The following LINGO2 variants were observed in gnomAD, a reference collection of about 807,000 sequenced individuals.
LINGO2 encodes the protein leucine-rich repeat and immunoglobulin-like domain-containing nogo receptor-interacting protein 2.
LINGO2 carries 14 observed loss-of-function variants against 30.6 expected under a neutral mutation model. The observed-to-expected ratio is 0.46, with a 90% CI of 0.30 to 0.72. LINGO2 has a LOEUF of 0.72. LINGO2 is among the 30% of genes least tolerant of loss of function. The pLI is 0.07. For missense variants in LINGO2, 729 were observed against 751.7 expected (o/e 0.97, Z 0.35); for synonymous variants, 317 against 288.5 (o/e 1.10, Z -1.00).
At chr9:28,900,785 C>A in the LINGO2 span, among the ~76,000 whole-genome samples, 3 of 152,106 alleles carry the variant, frequency 2.0e-5, no homozygotes, top group African/African-American at 7.2e-5. Flanking sequence ...ATCAGAGAAA[C>A]ATGACATACC....
the LINGO2 span, among the ~76,000 whole-genome samples, chr9:29,082,791 T>G: frequency 6.6e-6 from 1 of 152,272 alleles, no homozygotes; most frequent in African/African-American, 2.4e-5. Flanking sequence ...CAGACACTTC[T>G]CAAAAGAAGA....
chr9:28,123,210 A>C (rs1169959219), intron 4 of LINGO2, among the ~76,000 whole-genome samples: 1 of 152,236 alleles, frequency 6.6e-6, no homozygotes, highest in Non-Finnish European at 1.5e-5. Flanking sequence ...ACTAAGAATA[A>C]TAACATTTCT....
chr9:28,170,779 G>A lies in LINGO2; in HGVS notation c.-87+124429C>T, dbSNP rs569458797. Among the ~76,000 whole-genome samples, 7 of 152,166 alleles carry A rather than the reference G, an allele frequency of 4.6e-5. No individual in the cohort carries two copies. In the Middle Eastern group the frequency reaches 0.014, roughly 296 times the overall value. On this transcript the variant is annotated intron_variant, in intron 4 of 5. Coordinates refer to ENST00000379992, the Ensembl canonical transcript of LINGO2. ...CACTCCAAACTCTGCTTTTATCATC[G>A]CATTTCCTTCTCTGACTTTGATTCT... is the stretch of plus-strand genomic sequence containing the variant.
intron 1 of LINGO2, among the ~76,000 whole-genome samples, chr9:28,599,582 A>G (rs1825375595): frequency 6.6e-6 from 1 of 152,120 alleles, no homozygotes. Context: ...TATTTTCAGG[A>G]GCAAATCAGA....
At chr9:29,037,982 G>A in the LINGO2 span, among the ~76,000 whole-genome samples, 3 of 152,018 alleles carry the variant, frequency 2.0e-5, no homozygotes, top group Non-Finnish European at 4.4e-5. Flanking sequence ...GCTATGATTT[G>A]TTGATGTATA....
chr9:27,982,819 T>TA (rs991574777), intron 5 of LINGO2, among the ~76,000 whole-genome samples: 56 of 151,774 alleles, frequency 3.7e-4, no homozygotes, highest in African/African-American at 1.3e-3. Context: ...AGCTTCCTAT[T>TA]AGTAAACTGT....
At chr9:28,572,173 T>G (rs1823728490) in intron 1 of LINGO2, among the ~76,000 whole-genome samples, 1 of 152,108 alleles carries the variant, frequency 6.6e-6, no homozygotes, top group African/African-American at 2.4e-5. Flanking sequence ...CTGTGTTCTC[T>G]CTTCCCCTCT....
Position 28,372,828 on chromosome 9 carries a change from G to T in LINGO2, c.-246+8C>A, listed in dbSNP as rs923984417. ...CAATTTATAACAAAAATTATAAAATGTACCAACCTTGAAAGCTGCATTCTG... is the reference window on the plus strand; with the variant it reads ...CAATTTATAACAAAAATTATAAAATTTACCAACCTTGAAAGCTGCATTCTG... On this transcript the variant is annotated splice_region_variant and intron_variant, in intron 3 of 5. Coordinates refer to ENST00000379992, the Ensembl canonical transcript of LINGO2. The T allele has an allele frequency of 6.6e-6, 1 of 152,454 alleles. No homozygotes were observed. The highest frequency in any genetic ancestry group is 6.6e-5 in the Admixed American group (1 of 15,266). 9.4% of individuals were successfully genotyped at this position (152,454 alleles called of 1,614,324 possible).
chr9:28,375,525 G>T (rs1821096010), intron 2 of LINGO2, among the ~76,000 whole-genome samples: 1 of 152,190 alleles, frequency 6.6e-6, no homozygotes, highest in Non-Finnish European at 1.5e-5. Context: ...TTTGGACGGA[G>T]GTAGAAAGTG....
In LINGO2 at chr9:28,007,118, G is replaced by A. The variant is rs148072133; in HGVS notation, c.-36+5237C>T. 4.9e-3 allele frequency among the ~76,000 whole-genome samples: 746 copies of A among 152,156 alleles called. 10 individuals carry two copies. Among genetic ancestry groups the A allele is most frequent in the African/African-American group, 0.017 (714 of 41,520 alleles). On this transcript the variant is annotated intron_variant, in intron 5 of 5. Coordinates refer to ENST00000379992, the Ensembl canonical transcript of LINGO2. ...TCCTCTTTAAAACAAAATCACTTAC[G>A]TAGCATAGAATAGCAGACTTGTACA...
chr9:28,111,770 G>C (rs2133363985), intron 4 of LINGO2, among the ~76,000 whole-genome samples: 1 of 152,226 alleles, frequency 6.6e-6, no homozygotes, highest in South Asian at 2.1e-4. Context: ...AACCAGGAAA[G>C]AATGCTGCAA....
chr9:29,033,223 A>T, the LINGO2 span, among the ~76,000 whole-genome samples: 1 of 152,002 alleles, frequency 6.6e-6, no homozygotes, highest in African/African-American at 2.4e-5. Context: ...TCCAAAGTTC[A>T]TGTGAGGTCT....
At chr9:28,550,575 C>T (rs1234773192) in intron 1 of LINGO2, among the ~76,000 whole-genome samples, 1 of 151,706 alleles carries the variant, frequency 6.6e-6, no homozygotes, top group African/African-American at 2.4e-5. Flanking sequence ...GGTGCCATTT[C>T]TCCTATTTGC....
intron 1 of LINGO2, among the ~76,000 whole-genome samples, chr9:28,586,165 G>A (rs1824527214): frequency 1.3e-5 from 2 of 152,048 alleles, no homozygotes; most frequent in Admixed American, 6.6e-5. Flanking sequence ...GAACATACCT[G>A]CAGGAGTTTC....
intron 4 of LINGO2, among the ~76,000 whole-genome samples, chr9:28,034,651 A>C (rs1213342743): frequency 6.6e-6 from 1 of 152,264 alleles, no homozygotes; most frequent in African/African-American, 2.4e-5. Context: ...TTGGAGAACA[A>C]GGATTTCTCT....
chr9:28,287,707 T>C (rs561139199), intron 4 of LINGO2, among the ~76,000 whole-genome samples: 6 of 152,288 alleles, frequency 3.9e-5, no homozygotes, highest in Admixed American at 3.9e-4. Flanking sequence ...GGGTAGCAGC[T>C]GCCCCCATGT....
At chr9:28,836,398 T>A in the LINGO2 span, among the ~76,000 whole-genome samples, 1 of 152,000 alleles carries the variant, frequency 6.6e-6, no homozygotes, top group Non-Finnish European at 1.5e-5. Flanking sequence ...CACCACAACC[T>A]CCACCTCCCG....
the LINGO2 span, among the ~76,000 whole-genome samples, chr9:29,194,176 C>G: frequency 6.6e-6 from 1 of 152,174 alleles, no homozygotes; most frequent in African/African-American, 2.4e-5. Flanking sequence ...TTTTTACATA[C>G]AGTAGGTGCT....
chr9:28,641,264 C>T (rs369059530), intron 1 of LINGO2, among the ~76,000 whole-genome samples: 1 of 152,102 alleles, frequency 6.6e-6, no homozygotes, highest in East Asian at 1.9e-4. Flanking sequence ...TCTCGATCTC[C>T]TGACCTCATG....
Sources: gnomAD v4.1 joint callset for allele counts (sites outside exome capture counted in the v4.1 genomes callset) on GRCh38, gnomAD v4.1.1 for gene constraint, MANE v1.5 for transcripts, NCBI Gene and HGNC (gene_info 2026-07-23, HGNC 2026-07-21) for gene names.